The following SVEP1 variants were observed in gnomAD, a reference collection of about 807,000 sequenced individuals.
SVEP1 encodes sushi, von Willebrand factor type A, EGF and pentraxin domain-containing protein 1.
A neutral mutation model predicts 367.3 loss-of-function variants in SVEP1; 164 were observed. The observed-to-expected ratio is 0.45, with a 90% CI of 0.39 to 0.51. The LOEUF is 0.51. Among genes scored for constraint, SVEP1 ranks in the 20% least tolerant of loss-of-function variants. The pLI is 0.00. For missense variants in SVEP1, 4,117 were observed against 4,425.3 expected (o/e 0.93, Z 1.98); for synonymous variants, 1,666 against 1,611.6 (o/e 1.03, Z -0.81).
chr9:110,383,778 G>T (rs1410043), intron 43 of SVEP1, among the ~76,000 whole-genome samples: 76,362 of 151,874 alleles, frequency 0.5, 19,619 homozygotes, highest in Middle Eastern at 0.65. Flanking sequence ...GAGATCAGAG[G>T]TCTGTTCATA....
chr9:110,368,091 A>G (rs1331432793), intron 47 of SVEP1, among the ~76,000 whole-genome samples: 3 of 151,952 alleles, frequency 2.0e-5, no homozygotes, highest in African/African-American at 7.2e-5. Flanking sequence ...AAAAAAGAGA[A>G]ATTCTGTCCT....
intron 20 of SVEP1, 132 bp from the exon 21 acceptor site, chr9:110,457,484 G>C: frequency 1.5e-6 from 1 of 683,450 alleles, no homozygotes; most frequent in Non-Finnish European, 2.5e-6. Context: ...CTCAAGCTAG[G>C]TGGCTTGCTG....
intron 37 of SVEP1, among the ~76,000 whole-genome samples, chr9:110,409,166 C>T (rs901224693): frequency 2.0e-5 from 3 of 152,112 alleles, no homozygotes; most frequent in Non-Finnish European, 2.9e-5. Flanking sequence ...CTCGGCATGA[C>T]GATTCATGCC....
chr9:110,486,414 G>A (rs73655382), intron 9 of SVEP1, among the ~76,000 whole-genome samples: 4,287 of 152,250 alleles, frequency 0.028, 195 homozygotes, highest in African/African-American at 0.098. Flanking sequence ...AGCAAGTGAG[G>A]CAATACTCTG....
At chr9:110,409,806 C>T (rs935872690) in intron 37 of SVEP1, among the ~76,000 whole-genome samples, 4 of 151,944 alleles carry the variant, frequency 2.6e-5, no homozygotes, top group African/African-American at 4.8e-5. Flanking sequence ...AATTAATATT[C>T]GTGATCTCAA....
intron 39 of SVEP1, among the ~76,000 whole-genome samples, chr9:110,403,296 GTTTTTTT>G (rs71371665): frequency 2.5e-4 from 11 of 43,454 alleles, no homozygotes; most frequent in African/African-American, 7.2e-4. Flanking sequence ...CGCCACCGCC[GTTTTTTT>G]TTTTTTTTTT....
At position 110,498,167 on chromosome 9, in the gene SVEP1, C is replaced by G. The variant is rs117928866; in HGVS notation, c.1681+874G>C. 9.5e-4 allele frequency among the ~76,000 whole-genome samples: 145 copies of G among 152,270 alleles called. 2 individuals are homozygous for G. In the South Asian group the frequency reaches 0.016, roughly 17 times the overall value. On this transcript the variant is annotated intron_variant, in intron 7 of 47. Coordinates refer to ENST00000374469, the MANE Select transcript of SVEP1 (RefSeq NM_153366.4). ...CTTTTGTGCAATTTCTTTCTTTCTC[C>G]ATGAAAAGTTATTTAAGATTTTTCC...
intron 3 of SVEP1, among the ~76,000 whole-genome samples, chr9:110,517,530 G>A (rs1038514430): frequency 6.6e-5 from 10 of 150,862 alleles, no homozygotes; most frequent in East Asian, 3.9e-4. Flanking sequence ...CTCGGGAAGC[G>A]GAGGTTGCAG....
intron 8 of SVEP1, among the ~76,000 whole-genome samples, chr9:110,496,078 G>A (rs1192531007): frequency 6.6e-6 from 1 of 152,104 alleles, no homozygotes; most frequent in African/African-American, 2.4e-5. Context: ...CTGGTTTTGA[G>A]GATTTTATCT....
intron 3 of SVEP1, among the ~76,000 whole-genome samples, chr9:110,516,422 C>A (rs1829805031): frequency 6.6e-6 from 1 of 151,660 alleles, no homozygotes; most frequent in Non-Finnish European, 1.5e-5. Context: ...ATGAAGGAAA[C>A]ACTTAAAAAT....
chr9:110,432,680 A>C, intron 30 of SVEP1, 45 bp from the exon 31 acceptor site: 1 of 1,550,620 alleles, frequency 6.4e-7, no homozygotes. Context: ...AGAGCAAAAT[A>C]CTCCAAGAAC....
intron 3 of SVEP1, among the ~76,000 whole-genome samples, chr9:110,519,375 T>G (rs1379034247): frequency 6.6e-6 from 1 of 152,164 alleles, no homozygotes; most frequent in Non-Finnish European, 1.5e-5. Flanking sequence ...TTCCTTTCTT[T>G]CCCTTTCCTA....
chr9:110,522,613 A>G (rs1438795508), intron 3 of SVEP1, among the ~76,000 whole-genome samples: 1 of 152,196 alleles, frequency 6.6e-6, no homozygotes, highest in Non-Finnish European at 1.5e-5. Flanking sequence ...AGAAAGAGAG[A>G]ATCGGCATAT....
intron 26 of SVEP1, 87 bp downstream of exon 26, chr9:110,445,750 A>T: frequency 6.9e-7 from 1 of 1,453,470 alleles, no homozygotes; most frequent in Non-Finnish European, 9.5e-7. Flanking sequence ...CTGACCCTCT[A>T]CTTTCCCATT....
chr9:110,455,539 G>T, intron 22 of SVEP1, 51 bp downstream of exon 22: 1 of 1,352,254 alleles, frequency 7.4e-7, no homozygotes, highest in Non-Finnish European at 1.0e-6. Context: ...GTGATGAAAT[G>T]TTAATGATTC....
At chr9:110,543,549 G>A (rs1215377732) in intron 3 of SVEP1, among the ~76,000 whole-genome samples, 2 of 152,150 alleles carry the variant, frequency 1.3e-5, no homozygotes, top group African/African-American at 4.8e-5. Context: ...GGTAACTGGG[G>A]GCAGTGGTTT....
chr9:110,434,256 T>C, intron 30 of SVEP1, 80 bp downstream of exon 30: 1 of 1,433,690 alleles, frequency 7.0e-7, no homozygotes, highest in East Asian at 2.5e-5. Flanking sequence ...TATTCACTCT[T>C]TGTCTAGCAT....
chr9:110,489,544 G>A, intron 9 of SVEP1, 106 bp downstream of exon 9: 1 of 1,103,900 alleles, frequency 9.1e-7, no homozygotes, highest in East Asian at 2.7e-5. Context: ...CCACCTCTAT[G>A]ATTCAATTAC....
chr9:110,434,666 T>TAAAAAAAAAAATAAAAAAAAAA (rs1828405049), intron 29 of SVEP1, among the ~76,000 whole-genome samples, 160 bp from the exon 30 acceptor site: 1 of 40,620 alleles, frequency 2.5e-5, no homozygotes, highest in Non-Finnish European at 4.2e-5. Flanking sequence ...GCAAAATCAC[T>TAAAAAAAAAAATAAAAAAAAAA]AAAAAAAAAA....
Sources: gnomAD v4.1 joint callset for allele counts (sites outside exome capture counted in the v4.1 genomes callset) on GRCh38, gnomAD v4.1.1 for gene constraint, MANE v1.5 for transcripts, NCBI Gene and HGNC (gene_info 2026-07-23, HGNC 2026-07-21) for gene names.